LMF1: variants seen among roughly 807,000 people sequenced by gnomAD.
LMF1 encodes lipase maturation factor 1.
Under a neutral mutation model 60.6 loss-of-function variants are expected in LMF1, and 68 were observed. The ratio of observed to expected loss-of-function variants is 1.12; its 90% CI spans 0.92 to 1.37. The LOEUF (loss-of-function observed/expected upper bound fraction) is 1.37. Among genes scored for constraint, LMF1 ranks in the 40% most tolerant of loss-of-function variants. The pLI, the probability that LMF1 is intolerant of heterozygous loss-of-function variation, is 0.00. For missense variants in LMF1, 948 were observed against 767.2 expected, an observed-to-expected ratio of 1.24 and a Z score of -2.78; for synonymous variants, 418 against 324.7, an observed-to-expected ratio of 1.29 and a Z score of -3.09.
intron 4 of LMF1, among the ~76,000 whole-genome samples, chr16:904,520 G>A (rs1299096041): frequency 3.7e-5 from 3 of 81,072 alleles, no homozygotes; most frequent in African/African-American, 1.5e-4. Context: ...GCTGCGTGGT[G>A]GTGACCTCTG....
At chr16:864,031 G>A (rs1314823354) in intron 10 of LMF1, among the ~76,000 whole-genome samples, 1 of 152,158 alleles carries the variant, frequency 6.6e-6, no homozygotes, top group South Asian at 2.1e-4. Flanking sequence ...TCTACCTATT[G>A]TTGAAAGAAG....
At chr16:880,790 G>A (rs2070140290) in intron 5 of LMF1, among the ~76,000 whole-genome samples, 1 of 152,256 alleles carries the variant, frequency 6.6e-6, no homozygotes, top group African/African-American at 2.4e-5. Flanking sequence ...CCAACAACGG[G>A]ATCCAGAGTG....
At chr16:871,003 A>C in intron 7 of LMF1, 121 bp from the exon 8 acceptor site, 1 of 1,412,054 alleles carries the variant, frequency 7.1e-7, no homozygotes, top group Admixed American at 2.3e-5. Context: ...ACGGAGCAGC[A>C]CCCGAACTCA....
At chr16:890,853 C>T (rs1339371968) in intron 5 of LMF1, among the ~76,000 whole-genome samples, 1 of 116,650 alleles carries the variant, frequency 8.6e-6, no homozygotes, top group African/African-American at 4.8e-5. Context: ...CTGCTGCGGC[C>T]AACCCTCCGG....
chr16:914,480 G>T (rs1448347824), intron 3 of LMF1, among the ~76,000 whole-genome samples: 1 of 119,494 alleles, frequency 8.4e-6, no homozygotes. Context: ...CTCTCCAAGT[G>T]CAAAACCAGA....
Position 878,966 on chromosome 16 carries a change from C to T in LMF1, c.897+604G>A, listed in dbSNP as rs915323669. Among the ~76,000 whole-genome samples the T allele has an allele frequency of 1.3e-5, 2 of 152,168 alleles. No individual in the cohort carries two copies. Among genetic ancestry groups the T allele is most frequent in the African/African-American group, 2.4e-5 (1 of 41,418 alleles). ...GCGTTTACAGGGAAAAGCAAAGGCT[C>T]GGGACTGGCCCAGCCCCCCTGGAGG... On this transcript the variant is annotated intron_variant, in intron 6 of 10. Coordinates refer to ENST00000262301, the MANE Select transcript of LMF1 (RefSeq NM_022773.4). This position sits in a 1 kb window ranked among gnomAD's most constrained non-coding sequence, Gnocchi z 5.2.
intron 1 of LMF1, chr16:979,622 C>T (rs1170325787): frequency 2.2e-6 from 1 of 454,076 alleles, no homozygotes; most frequent in Admixed American, 2.3e-5. Context: ...GGACTTGAAG[C>T]TTCCTTGGTG....
At chr16:979,466 T>C in intron 1 of LMF1, 1 of 349,188 alleles carries the variant, frequency 2.9e-6, no homozygotes, top group Non-Finnish European at 5.6e-6. Context: ...CACTGCAACC[T>C]GGGGAAAGGA....
intron 10 of LMF1, chr16:855,011 T>C: frequency 6.1e-6 from 3 of 488,336 alleles, no homozygotes; most frequent in South Asian, 2.1e-5. Context: ...GGCCAGGAGC[T>C]TCACGGGTGG....
upstream of LMF1, among the ~76,000 whole-genome samples, chr16:974,921 A>AG (rs1398157926): frequency 6.6e-6 from 1 of 152,170 alleles, no homozygotes; most frequent in African/African-American, 2.4e-5. Flanking sequence ...TGGGTATGGA[A>AG]GGGGGGCCCA....
rs542871392 is a variant in LMF1 at position 878,162 on chromosome 16, T to C, written c.897+1408A>G. Among the ~76,000 whole-genome samples the C allele has an allele frequency of 4.0e-5, 6 of 151,766 alleles. No homozygotes were observed. In the East Asian group the frequency reaches 1.2e-3, roughly 30 times the overall value. ...CAAACACGCGTGGGGTCCGGCTACA[T>C]GGAACCGACTGAAGCTATTCCAGGA... is the stretch of plus-strand genomic sequence containing the variant. On this transcript the variant is annotated intron_variant, in intron 6 of 10. Coordinates refer to ENST00000262301, the MANE Select transcript of LMF1 (RefSeq NM_022773.4). This position sits in a 1 kb window ranked among gnomAD's most constrained non-coding sequence, Gnocchi z 5.2.
chr16:893,399 T>C (rs200577853), intron 4 of LMF1: 1 of 479,626 alleles, frequency 2.1e-6, no homozygotes, highest in Non-Finnish European at 4.1e-6. Context: ...AGAGGACAAA[T>C]GCACCACGCC....
chr16:952,317 C>CCT (rs1555473465), intron 2 of LMF1, among the ~76,000 whole-genome samples: 2 of 132,936 alleles, frequency 1.5e-5, no homozygotes, highest in African/African-American at 5.6e-5. Context: ...GACCCCCCCC[C>CCT]ACAGGTGCCC....
chr16:888,720 C>T (rs2070385140), intron 5 of LMF1, among the ~76,000 whole-genome samples: 1 of 121,416 alleles, frequency 8.2e-6, no homozygotes, highest in South Asian at 3.1e-4. Context: ...CATGCCCAGT[C>T]CAAGGCCAGA....
chr16:869,064 G>A lies in LMF1; in HGVS notation c.1417-8C>T. ...GTCGTTGTGCTCGTAGGTCTGGGAG[G>A]AGAGGTCGGGCTGGAGACGGCTGTG... is the stretch of plus-strand genomic sequence containing the variant. On this transcript the variant is annotated splice_region_variant and splice_polypyrimidine_tract_variant and intron_variant, in intron 9 of 10. Transcript: ENST00000262301. 2.5e-6 allele frequency: 4 copies of A among 1,594,758 alleles called. No individual in the cohort carries two copies. In the East Asian group the frequency reaches 6.7e-5, roughly 27 times the overall value.
chr16:954,748 C>T lies in LMF1; in HGVS notation c.194-82G>A, dbSNP rs549728155. 1.9e-4 allele frequency: 259 copies of T among 1,334,436 alleles called. 1 individual carries two copies. In the African/African-American group the frequency reaches 3.2e-3, roughly 16 times the overall value. 82.7% of individuals were successfully genotyped at this position (1,334,436 alleles called of 1,614,324 possible). ...CATGGGCGCAGCTCAGAATGCGGGG[C>T]GAGGCAGGCGGGAAGGGGAGGCAGA... is the stretch of plus-strand genomic sequence containing the variant. On this transcript the variant is annotated intron_variant, in intron 1 of 10. Coordinates refer to ENST00000262301, the MANE Select transcript of LMF1 (RefSeq NM_022773.4).
intron 10 of LMF1, 131 bp from the exon 11 acceptor site, chr16:854,837 C>T: frequency 3.6e-6 from 3 of 827,910 alleles, no homozygotes; most frequent in Non-Finnish European, 5.9e-6. Context: ...GAGGAGCCCC[C>T]ACCCTGAGCA....
chr16:934,347 C>T lies in LMF1; in HGVS notation c.504-93G>A, dbSNP rs969064686. The T allele has an allele frequency of 4.6e-6, 7 of 1,515,520 alleles. No individual in the cohort carries two copies. The East Asian group carries it at 9.0e-5, about 20-fold the overall frequency. 93.9% of individuals were successfully genotyped at this position (1,515,520 alleles called of 1,614,324 possible). Reference sequence around the variant, plus strand: ...CCACTGAGTGAAGCCCACCCTGGCACCCAGCACGGTGTGGGGTCAGGGAAG... The same window carrying T: ...CCACTGAGTGAAGCCCACCCTGGCATCCAGCACGGTGTGGGGTCAGGGAAG... On this transcript the variant is annotated intron_variant, in intron 2 of 10. Transcript: ENST00000262301.
intron 5 of LMF1, among the ~76,000 whole-genome samples, chr16:892,748 G>A (rs903755842): frequency 5.9e-5 from 9 of 152,206 alleles, no homozygotes; most frequent in African/African-American, 2.2e-4. Context: ...GGACAGCAGC[G>A]GAGGGTGCCC....
Sources: gnomAD v4.1 joint callset for allele counts (sites outside exome capture counted in the v4.1 genomes callset) on GRCh38, gnomAD v4.1.1 for gene constraint, Gnocchi (gnomAD v3.1) non-coding constraint, MANE v1.5 for transcripts, NCBI Gene and HGNC (gene_info 2026-07-23, HGNC 2026-07-21) for gene names.